The following ARHGAP24 variants were observed in gnomAD, a reference collection of about 807,000 sequenced individuals.
ARHGAP24 encodes Rho GTPase activating protein 24.
In ARHGAP24, 50 loss-of-function variants were observed where a neutral mutation model predicts 76.4. The ratio of observed to expected loss-of-function variants is 0.65; its 90% CI spans 0.52 to 0.83. ARHGAP24 has a LOEUF of 0.83. ARHGAP24 is among the 40% of genes least tolerant of loss of function. ARHGAP24 has a pLI of 0.00. For synonymous variants in ARHGAP24, 345 were observed against 323.3 expected (o/e 1.07, Z -0.72); for missense variants, 930 against 914.2 (o/e 1.02, Z -0.22).
chr4:85,772,736 T>C (rs1162409920), intron 3 of ARHGAP24, among the ~76,000 whole-genome samples: 1 of 152,202 alleles, frequency 6.6e-6, no homozygotes, highest in Non-Finnish European at 1.5e-5. Flanking sequence ...GCAAATACAA[T>C]TGTTTATGTA....
chr4:85,552,660 T>C (rs1246812240), intron 1 of ARHGAP24, among the ~76,000 whole-genome samples: 2 of 152,178 alleles, frequency 1.3e-5, no homozygotes, highest in East Asian at 3.8e-4. Context: ...CTTACTCTCT[T>C]TGTAGGTATC....
At chr4:85,756,745 G>T (rs1578201115) in intron 3 of ARHGAP24, among the ~76,000 whole-genome samples, 1 of 152,168 alleles carries the variant, frequency 6.6e-6, no homozygotes, top group African/African-American at 2.4e-5. Flanking sequence ...CTCTGGCAAG[G>T]TGTTTCGGCT....
intron 3 of ARHGAP24, among the ~76,000 whole-genome samples, chr4:85,851,874 C>A (rs1731254852): frequency 6.6e-6 from 1 of 152,082 alleles, no homozygotes; most frequent in African/African-American, 2.4e-5. Flanking sequence ...CTCTGGCTGA[C>A]CTTAACATTT....
intron 2 of ARHGAP24, among the ~76,000 whole-genome samples, chr4:85,706,952 G>A (rs1013790993): frequency 3.3e-5 from 5 of 151,848 alleles, no homozygotes; most frequent in Admixed American, 6.6e-5. Flanking sequence ...GTCTTGCTCT[G>A]TCACCCAGCT....
chr4:85,704,849 C>A (rs576399980), intron 2 of ARHGAP24, among the ~76,000 whole-genome samples: 1 of 152,012 alleles, frequency 6.6e-6, no homozygotes, highest in African/African-American at 2.4e-5. Context: ...TATAAGCAAC[C>A]AGATAGAATT....
intron 1 of ARHGAP24, among the ~76,000 whole-genome samples, chr4:85,509,436 G>C (rs1216461888): frequency 6.6e-6 from 1 of 151,944 alleles, no homozygotes; most frequent in Non-Finnish European, 1.5e-5. Context: ...ATAAGGAAAA[G>C]CGATGGCTAG....
intron 2 of ARHGAP24, among the ~76,000 whole-genome samples, chr4:85,696,078 A>G (rs906087460): frequency 6.6e-6 from 1 of 152,172 alleles, no homozygotes; most frequent in Admixed American, 6.5e-5. Context: ...CTCTCAGAAT[A>G]TATGAACTAG....
At chr4:85,938,557 C>T (rs1429222516) in intron 4 of ARHGAP24, among the ~76,000 whole-genome samples, 1 of 152,144 alleles carries the variant, frequency 6.6e-6, no homozygotes, top group Non-Finnish European at 1.5e-5. Context: ...CCACATCTAC[C>T]ATTTTAAGCC....
intron 1 of ARHGAP24, among the ~76,000 whole-genome samples, chr4:85,557,429 G>A (rs1329314052): frequency 3.9e-5 from 6 of 152,208 alleles, no homozygotes; most frequent in South Asian, 2.1e-4. Flanking sequence ...TCTGGAGGCC[G>A]CAGCAGGGGA....
intron 1 of ARHGAP24, among the ~76,000 whole-genome samples, chr4:85,567,155 TTC>T (rs1396491508): frequency 6.6e-6 from 1 of 152,176 alleles, no homozygotes; most frequent in East Asian, 1.9e-4. Flanking sequence ...CAACAACATT[TTC>T]AGATGTTGAG....
intron 1 of ARHGAP24, among the ~76,000 whole-genome samples, chr4:85,560,509 T>G (rs1726551340): frequency 6.6e-6 from 1 of 152,182 alleles, no homozygotes; most frequent in African/African-American, 2.4e-5. Flanking sequence ...ATACACATCA[T>G]TTTTTGCTAT....
chr4:85,581,712 T>A (rs1364251398), intron 2 of ARHGAP24, among the ~76,000 whole-genome samples: 1 of 152,156 alleles, frequency 6.6e-6, no homozygotes, highest in Non-Finnish European at 1.5e-5. Flanking sequence ...AGTGCTAAAT[T>A]TCTGTGTCTA....
At position 86,001,207 on chromosome 4, in the gene ARHGAP24, T is replaced by C. The variant is rs1034316467; in HGVS notation, c.*485T>C. The C allele has an allele frequency of 3.3e-5, 13 of 398,410 alleles. No individual in the cohort carries two copies. The highest frequency in any genetic ancestry group is 8.2e-5 in the African/African-American group (4 of 48,622). 24.7% of individuals were successfully genotyped at this position (398,410 alleles called of 1,614,324 possible). ...AATATATATATAAATATATGAGTTA[T>C]TAAAATCAGAAGAATACTTTGTGGC... On this transcript the variant is annotated 3_prime_UTR_variant, in exon 10 of 10. Coordinates refer to ENST00000395184, the MANE Select transcript of ARHGAP24 (RefSeq NM_001025616.3).
chr4:85,900,039 AC>A (rs1398032526), intron 3 of ARHGAP24, among the ~76,000 whole-genome samples: 1 of 152,248 alleles, frequency 6.6e-6, no homozygotes, highest in African/African-American at 2.4e-5. Flanking sequence ...TAACAAAGAA[AC>A]CAGAGGAACA....
intron 1 of ARHGAP24, among the ~76,000 whole-genome samples, chr4:85,559,814 G>A (rs1726524477): frequency 6.6e-6 from 1 of 152,072 alleles, no homozygotes; most frequent in Non-Finnish European, 1.5e-5. Flanking sequence ...TGAAATGATA[G>A]TTGCCGTCTT....
intron 2 of ARHGAP24, among the ~76,000 whole-genome samples, chr4:85,636,134 G>A (rs936141748): frequency 5.3e-5 from 8 of 151,502 alleles, no homozygotes; most frequent in African/African-American, 1.2e-4. Flanking sequence ...CATGTGATAC[G>A]ACTGACCTTC....
intron 1 of ARHGAP24, among the ~76,000 whole-genome samples, chr4:85,528,732 A>G (rs12644974): frequency 0.26 from 39,720 of 152,002 alleles, 6,772 homozygotes; most frequent in East Asian, 0.79. Context: ...TTGCATATAC[A>G]TGAATCCTAG....
At chr4:85,784,488 G>A (rs1455273895) in intron 3 of ARHGAP24, among the ~76,000 whole-genome samples, 1 of 151,964 alleles carries the variant, frequency 6.6e-6, no homozygotes, top group South Asian at 2.1e-4. Context: ...CCCTTTGTGC[G>A]AGTTGTAACA....
rs1220071256 is a variant in ARHGAP24 at position 85,609,014 on chromosome 4, A to G, written c.180+38293A>G. On this transcript the variant is annotated intron_variant, in intron 2 of 9. Coordinates refer to ENST00000395184, the MANE Select transcript of ARHGAP24 (RefSeq NM_001025616.3). ...ACTTCTTAGCCTTTTTGTGACTCTG[A>G]TTCCTCATCTGTAAAACAAGAGTAA... Among the ~76,000 whole-genome samples the G allele has an allele frequency of 3.9e-5, 6 of 152,052 alleles. No homozygotes were observed. The East Asian group carries it at 1.2e-3, about 29-fold the overall frequency.
Sources: allele counts gnomAD v4.1 joint callset (sites outside exome capture counted in the v4.1 genomes callset), GRCh38; gene constraint gnomAD v4.1.1; transcripts MANE v1.5; gene names NCBI Gene and HGNC (gene_info 2026-07-23, HGNC 2026-07-21).